Variants in GLI2 observed in about 807,000 individuals in gnomAD.
The protein encoded by GLI2 is GLI family zinc finger 2, also known as transcription activator GLI2.
Under a neutral mutation model 78.9 loss-of-function variants are expected in GLI2, and 22 were observed. The ratio of observed to expected loss-of-function variants is 0.28; its 90% CI spans 0.20 to 0.40. The LOEUF (loss-of-function observed/expected upper bound fraction) is 0.40. GLI2 is among the 10% of genes least tolerant of loss of function. The pLI, the probability that GLI2 is intolerant of heterozygous loss-of-function variation, is 1.00. For synonymous variants in GLI2, 974 were observed against 963.7 expected, an observed-to-expected ratio of 1.01 and a Z score of -0.20; for missense variants, 2,097 against 2,213.2, an observed-to-expected ratio of 0.95 and a Z score of 1.05.
rs774869560 is a variant in GLI2, at chr2:120,970,603, C to T, written c.1056C>T (p.Asn352=). 3 of 1,613,520 alleles carry T rather than the reference C, an allele frequency of 1.9e-6. No homozygotes were observed. The highest frequency in any genetic ancestry group is 2.5e-6 in the Non-Finnish European group (3 of 1,179,444). The change falls in exon 7 of 14, where the codon AAC becomes AAT. Residue 352 remains asparagine, a synonymous_variant. Transcript: ENST00000361492. The part of the protein sequence containing the change: ...SSSSNCLSDT[N]QNKQSSESAV... ...GCAGCAACTGTCTGAGTGACACCAA[C>T]CAGGTAGGTGGGTGCAGGGGCCAGG...
intron 13 of GLI2, among the ~76,000 whole-genome samples, chr2:120,987,974 C>T (rs1257613027): frequency 6.6e-6 from 1 of 152,202 alleles, no homozygotes; most frequent in Non-Finnish European, 1.5e-5. Flanking sequence ...CCCACGTATG[C>T]CCTAGCTACT....
At chr2:120,804,112 T>C (rs1041544508) in intron 2 of GLI2, among the ~76,000 whole-genome samples, 1 of 152,184 alleles carries the variant, frequency 6.6e-6, no homozygotes, top group Non-Finnish European at 1.5e-5. Flanking sequence ...TGGCGAGGCA[T>C]GCATGTCTAT....
At chr2:120,816,493 C>G (rs1481593669) in intron 2 of GLI2, among the ~76,000 whole-genome samples, 1 of 152,108 alleles carries the variant, frequency 6.6e-6, no homozygotes, top group Non-Finnish European at 1.5e-5. Context: ...CGGCGCCCGG[C>G]CCCAAAGAGC....
chr2:120,784,911 C>G (rs1359010839), intron 1 of GLI2, among the ~76,000 whole-genome samples: 1 of 152,192 alleles, frequency 6.6e-6, no homozygotes, highest in Non-Finnish European at 1.5e-5. Context: ...CACACCTGGA[C>G]TGGAAGCTCT....
intron 1 of GLI2, among the ~76,000 whole-genome samples, chr2:120,746,461 C>T (rs1682697091): frequency 6.6e-6 from 1 of 152,214 alleles, no homozygotes; most frequent in African/African-American, 2.4e-5. Flanking sequence ...TCTCTGCTCC[C>T]CGGCCAACCC....
chr2:120,936,125 G>A (rs367620535), intron 3 of GLI2, among the ~76,000 whole-genome samples: 116 of 152,226 alleles, frequency 7.6e-4, no homozygotes, highest in African/African-American at 2.7e-3. Flanking sequence ...GACAGAACAG[G>A]GTTGAGGCCG....
At chr2:120,978,293 G>A (rs1682554172) in intron 9 of GLI2, 141 bp from the exon 10 acceptor site, 3 of 858,256 alleles carry the variant, frequency 3.5e-6, no homozygotes, top group East Asian at 4.8e-5. Flanking sequence ...AACATAATAG[G>A]TGTGGTCAGC....
At chr2:120,926,695 G>A (rs1449019743) in intron 2 of GLI2, among the ~76,000 whole-genome samples, 1 of 152,234 alleles carries the variant, frequency 6.6e-6, no homozygotes, top group African/African-American at 2.4e-5. Context: ...GTTCAGACAG[G>A]AGGCTGACTC....
intron 2 of GLI2, among the ~76,000 whole-genome samples, chr2:120,925,535 T>C (rs1433788904): frequency 6.6e-6 from 1 of 152,182 alleles, no homozygotes; most frequent in Non-Finnish European, 1.5e-5. Context: ...CTTGAGGACA[T>C]TATGCGAAGT....
chr2:120,880,747 G>A (rs1429959814), intron 2 of GLI2, among the ~76,000 whole-genome samples: 1 of 152,204 alleles, frequency 6.6e-6, no homozygotes, highest in Non-Finnish European at 1.5e-5. Context: ...CCTGGCTAAA[G>A]TATGTCTTTC....
chr2:120,751,787 G>A (rs1345304546), intron 1 of GLI2, among the ~76,000 whole-genome samples: 4 of 152,138 alleles, frequency 2.6e-5, no homozygotes, highest in Non-Finnish European at 4.4e-5. Context: ...CTGTATTAGT[G>A]TGCATGTTTT....
chr2:120,934,704 G>A (rs534395321), intron 3 of GLI2, among the ~76,000 whole-genome samples: 3 of 152,300 alleles, frequency 2.0e-5, no homozygotes, highest in African/African-American at 7.2e-5. Context: ...TCCGGAGACA[G>A]CATTAAGAGT....
chr2:120,917,965 A>T (rs997855152), intron 2 of GLI2, among the ~76,000 whole-genome samples: 2 of 152,230 alleles, frequency 1.3e-5, no homozygotes, highest in African/African-American at 2.4e-5. Context: ...ATCTGGGAAT[A>T]GGGGTGAGTG....
At chr2:120,922,230 A>G (rs1472954605) in intron 2 of GLI2, among the ~76,000 whole-genome samples, 1 of 152,186 alleles carries the variant, frequency 6.6e-6, no homozygotes, top group African/African-American at 2.4e-5. Flanking sequence ...TTTCTAGATG[A>G]CAGCTATTCA....
chr2:120,842,481 C>T (rs560747768), intron 2 of GLI2, among the ~76,000 whole-genome samples: 9 of 152,054 alleles, frequency 5.9e-5, no homozygotes, highest in Admixed American at 2.0e-4. Flanking sequence ...TAACGAGTCT[C>T]CCTCTGATGG....
At chr2:120,778,355 T>C (rs1368482126) in intron 1 of GLI2, among the ~76,000 whole-genome samples, 1 of 152,194 alleles carries the variant, frequency 6.6e-6, no homozygotes, top group Non-Finnish European at 1.5e-5. Context: ...CCTCCTTTCC[T>C]GTGACTCAGA....
chr2:120,876,349 T>C (rs1348301835), intron 2 of GLI2, among the ~76,000 whole-genome samples: 3 of 151,724 alleles, frequency 2.0e-5, no homozygotes, highest in African/African-American at 7.3e-5. Flanking sequence ...CTCAAAAAAA[T>C]AAACAAACAA....
At chr2:120,848,163 T>C (rs942925566) in intron 2 of GLI2, among the ~76,000 whole-genome samples, 4 of 152,230 alleles carry the variant, frequency 2.6e-5, no homozygotes, top group Admixed American at 1.3e-4. Flanking sequence ...TGAATGCCTC[T>C]GGCTTCTGAA....
intron 2 of GLI2, among the ~76,000 whole-genome samples, chr2:120,838,543 G>A (rs1173482449): frequency 6.6e-6 from 1 of 151,998 alleles, no homozygotes; most frequent in East Asian, 1.9e-4. Context: ...AAAATATAAT[G>A]TGAACCACAT....
Sources: allele counts gnomAD v4.1 joint callset (sites outside exome capture counted in the v4.1 genomes callset), GRCh38; gene constraint gnomAD v4.1.1; transcripts MANE v1.5; gene names NCBI Gene and HGNC (gene_info 2026-07-23, HGNC 2026-07-21).